Variants in CARD8 observed in about 807,000 individuals in gnomAD.
CARD8 encodes caspase recruitment domain family member 8.
A neutral mutation model predicts 53.2 loss-of-function variants in CARD8; 38 were observed. The ratio of observed to expected loss-of-function variants is 0.71; its 90% CI spans 0.55 to 0.94. The LOEUF (loss-of-function observed/expected upper bound fraction) is 0.94. CARD8 is among the 40% of genes least tolerant of loss of function. The probability of loss-of-function intolerance (pLI) is 0.00; values close to 1 mark genes in which losing one functional copy is unlikely to be tolerated. For missense variants in CARD8, 561 were observed against 655.5 expected (o/e 0.86, Z 1.57); for synonymous variants, 245 against 244.9 (o/e 1.00, Z 0.00).
In CARD8 at chr19:48,240,639, C is replaced by G. The variant is rs527416785; in HGVS notation, c.59+323G>C. On this transcript the variant is annotated intron_variant, in intron 4 of 13. Coordinates refer to ENST00000651546, the MANE Select transcript of CARD8 (RefSeq NM_001184900.3). ...CAAAAAGTAGCCAGGCGTGGTGGTGCATGCCTGTAATCCCAGCTACTTGGG... is the reference window on the plus strand; with the variant it reads ...CAAAAAGTAGCCAGGCGTGGTGGTGGATGCCTGTAATCCCAGCTACTTGGG... Among the ~76,000 whole-genome samples, 4 of 152,142 alleles carry G rather than the reference C, an allele frequency of 2.6e-5. No homozygotes were observed. In the East Asian group the frequency reaches 7.7e-4, roughly 29 times the overall value.
intron 3 of CARD8, among the ~76,000 whole-genome samples, chr19:48,247,777 T>TAC (rs374426231): frequency 1.2e-4 from 10 of 85,674 alleles, no homozygotes; most frequent in Non-Finnish European, 2.0e-4. Flanking sequence ...TATATATATA[T>TAC]ACACACACAC....
intron 13 of CARD8, among the ~76,000 whole-genome samples, chr19:48,212,293 A>ATG (rs2038155105): frequency 6.6e-6 from 1 of 152,226 alleles, no homozygotes; most frequent in South Asian, 2.1e-4. Flanking sequence ...ACATTTATAT[A>ATG]TAAATCCCTC....
At chr19:48,224,561 C>T (rs2041345080) in intron 10 of CARD8, among the ~76,000 whole-genome samples, 1 of 152,110 alleles carries the variant, frequency 6.6e-6, no homozygotes, top group Non-Finnish European at 1.5e-5. Flanking sequence ...AACTGTGCTG[C>T]TCTTGAAATA....
intron 3 of CARD8, among the ~76,000 whole-genome samples, chr19:48,241,416 C>T (rs143723523): frequency 4.3e-4 from 65 of 152,234 alleles, no homozygotes; most frequent in African/African-American, 1.1e-3. Context: ...CCACCATACC[C>T]GGCTAATTTT....
chr19:48,210,784 A>G lies in CARD8; in HGVS notation c.*926T>C, dbSNP rs1406879896. The G allele has an allele frequency of 6.6e-6, 1 of 152,366 alleles. No individual in the cohort carries two copies. The highest frequency in any genetic ancestry group is 1.5e-5 in the Non-Finnish European group (1 of 68,048). 9.4% of individuals were successfully genotyped at this position (152,366 alleles called of 1,614,324 possible). On this transcript the variant is annotated 3_prime_UTR_variant, in exon 14 of 14. Coordinates refer to ENST00000651546, the MANE Select transcript of CARD8 (RefSeq NM_001184900.3). Reference sequence around the variant, plus strand: ...CACCATAAAAAAAACTGACTCAACCAGATGGTGTCTACTAGGAACTTGTTT... The same window carrying G: ...CACCATAAAAAAAACTGACTCAACCGGATGGTGTCTACTAGGAACTTGTTT...
At chr19:48,218,376 A>G in intron 12 of CARD8, among the ~76,000 whole-genome samples, 2 of 12,172 alleles carry the variant, frequency 1.6e-4, no homozygotes, top group East Asian at 2.5e-3. Flanking sequence ...TTTTTTTTTC[A>G]GATGGAGTTT....
intron 10 of CARD8, among the ~76,000 whole-genome samples, chr19:48,228,112 G>A (rs949849847): frequency 6.6e-6 from 1 of 152,198 alleles, no homozygotes; most frequent in East Asian, 1.9e-4. Flanking sequence ...TAGGTTGCAC[G>A]CCCTTTATGA....
At chr19:48,240,855 G>C (rs2044875289) in intron 4 of CARD8, 107 bp downstream of exon 4, 17 of 916,598 alleles carry the variant, frequency 1.9e-5, no homozygotes, top group Middle Eastern at 2.1e-4. Context: ...AATGTGAGCA[G>C]AACCTTTCTT....
At chr19:48,247,580 C>T (rs2046323311) in intron 3 of CARD8, among the ~76,000 whole-genome samples, 1 of 151,514 alleles carries the variant, frequency 6.6e-6, no homozygotes. Flanking sequence ...TAAAGAAACT[C>T]TGGATATATA....
intron 1 of CARD8, among the ~76,000 whole-genome samples, chr19:48,254,627 C>A (rs2047348929): frequency 6.6e-6 from 1 of 152,004 alleles, no homozygotes; most frequent in South Asian, 2.1e-4. Flanking sequence ...GTGGTGGGCA[C>A]CTGTAGTCGC....
chr19:48,226,944 T>A (rs2041902353), intron 10 of CARD8, among the ~76,000 whole-genome samples: 1 of 151,390 alleles, frequency 6.6e-6, no homozygotes. Flanking sequence ...AATAAAAAAA[T>A]ACAAATAGCT....
intron 6 of CARD8, chr19:48,233,025 A>T: frequency 2.8e-6 from 1 of 355,164 alleles, no homozygotes; most frequent in South Asian, 2.2e-5. Flanking sequence ...AATGCGTAAA[A>T]TGTATGCATT....
At chr19:48,221,002 G>A (rs1410370173) in intron 11 of CARD8, among the ~76,000 whole-genome samples, 19 of 106,182 alleles carry the variant, frequency 1.8e-4, no homozygotes, top group Non-Finnish European at 4.0e-4. Context: ...AGGAAAGAAA[G>A]AAAGAAAAAG....
At chr19:48,215,216 A>G in intron 13 of CARD8, 124 bp downstream of exon 13, 2 of 684,690 alleles carry the variant, frequency 2.9e-6, no homozygotes, top group Non-Finnish European at 5.3e-6. Context: ...GTTGCTGCAG[A>G]CCTATACGGA....
intron 13 of CARD8, among the ~76,000 whole-genome samples, chr19:48,212,556 T>C (rs1028425287): frequency 6.6e-6 from 1 of 152,246 alleles, no homozygotes; most frequent in Admixed American, 6.5e-5. Context: ...CAAATCATAT[T>C]ACTTCCATAT....
At chr19:48,232,590 G>C in intron 6 of CARD8, 97 bp from the exon 7 acceptor site, 1 of 988,848 alleles carries the variant, frequency 1.0e-6, no homozygotes, top group Non-Finnish European at 1.5e-6. Flanking sequence ...GAGCTGCACT[G>C]TCCCGTAGAG....
At chr19:48,251,598 T>C (rs1465842593) in intron 1 of CARD8, among the ~76,000 whole-genome samples, 1 of 152,204 alleles carries the variant, frequency 6.6e-6, no homozygotes. Flanking sequence ...TTAATATACA[T>C]TTGGGGCTTG....
At chr19:48,221,688 AAC>A (rs1250248412) in intron 11 of CARD8, 40 bp downstream of exon 11, 2 of 1,436,546 alleles carry the variant, frequency 1.4e-6, no homozygotes, top group East Asian at 2.4e-5. Flanking sequence ...AGAAATATAA[AAC>A]ACTCTGAAAC....
chr19:48,252,699 C>T (rs1461371364), intron 1 of CARD8, among the ~76,000 whole-genome samples: 5 of 151,392 alleles, frequency 3.3e-5, no homozygotes, highest in African/African-American at 7.3e-5. Flanking sequence ...AGTTTCCCCA[C>T]GTTGGCCAGG....
Sources: gnomAD v4.1 joint callset for allele counts (sites outside exome capture counted in the v4.1 genomes callset) on GRCh38, gnomAD v4.1.1 for gene constraint, MANE v1.5 for transcripts, NCBI Gene and HGNC (gene_info 2026-07-23, HGNC 2026-07-21) for gene names.